Variants in ARID3B observed in about 807,000 individuals in gnomAD.
ARID3B encodes AT-rich interactive domain-containing protein 3B.
A neutral mutation model predicts 51.9 loss-of-function variants in ARID3B; 10 were observed. The ratio of observed to expected loss-of-function variants is 0.19; its 90% CI spans 0.12 to 0.33. The LOEUF (loss-of-function observed/expected upper bound fraction) is 0.33, where lower values mean the gene tolerates loss of function less well. Ranked by LOEUF, ARID3B falls within the 10% of genes least tolerant of loss-of-function variation. The pLI, the probability that ARID3B is intolerant of heterozygous loss-of-function variation, is 1.00. For synonymous variants in ARID3B, 205 were observed against 279.5 expected (o/e 0.73, Z 2.66); for missense variants, 483 against 716.3 (o/e 0.67, Z 3.72).
At chr15:74,577,440 C>T (rs775224840) in intron 4 of ARID3B, among the ~76,000 whole-genome samples, 1 of 151,738 alleles carries the variant, frequency 6.6e-6, no homozygotes, top group East Asian at 1.9e-4. Context: ...GGGTGACGAG[C>T]GAAACTCCAT....
At chr15:74,589,754 C>T in intron 4 of ARID3B, 66 bp from the exon 5 acceptor site, 2 of 1,493,024 alleles carry the variant, frequency 1.3e-6, no homozygotes, top group Non-Finnish European at 1.8e-6. Flanking sequence ...GGTGGGCATA[C>T]ACGGAATCTT....
intron 8 of ARID3B, 42 bp from the exon 9 acceptor site, chr15:74,595,569 G>C (rs201980212): frequency 7.5e-6 from 12 of 1,592,826 alleles, no homozygotes; most frequent in Non-Finnish European, 8.6e-6. Flanking sequence ...CCTCCCCTTC[G>C]CTCTTCCTCT....
chr15:74,583,281 G>A (rs2061768499), intron 4 of ARID3B, among the ~76,000 whole-genome samples: 1 of 152,134 alleles, frequency 6.6e-6, no homozygotes, highest in African/African-American at 2.4e-5. Flanking sequence ...GCCAGACACA[G>A]AATATATACT....
chr15:74,567,860 T>C (rs1392969121), intron 2 of ARID3B, among the ~76,000 whole-genome samples: 2 of 152,236 alleles, frequency 1.3e-5, no homozygotes, highest in Admixed American at 1.3e-4. Flanking sequence ...CTGTGTGCTG[T>C]TGAAATGGGT....
intron 2 of ARID3B, among the ~76,000 whole-genome samples, chr15:74,549,374 C>T (rs541984759): frequency 1.3e-5 from 2 of 151,722 alleles, no homozygotes; most frequent in South Asian, 2.1e-4. Flanking sequence ...TGCGCCCGGC[C>T]GGGATAGGCC....
intron 2 of ARID3B, among the ~76,000 whole-genome samples, chr15:74,572,057 C>T (rs1165673281): frequency 1.3e-5 from 2 of 151,206 alleles, no homozygotes; most frequent in Non-Finnish European, 2.9e-5. Flanking sequence ...TGCAGTGAGC[C>T]GAGATCGTGC....
At chr15:74,541,367 G>C (rs987251441) in intron 1 of ARID3B, 37 bp downstream of exon 1, 1 of 152,460 alleles carries the variant, frequency 6.6e-6, no homozygotes, top group Admixed American at 6.5e-5. Context: ...CAGGCATGGC[G>C]GGAGAGGAGG....
rs1251747912 is a variant in ARID3B, at chr15:74,597,391, G to T, written c.*1617G>T. On this transcript the variant is annotated 3_prime_UTR_variant, in exon 9 of 9. Coordinates refer to ENST00000346246, the MANE Select transcript of ARID3B (RefSeq NM_006465.4). ...GTGGCTCGCATTCAGTCCTGTGTAG[G>T]AGAGGAAAGGGAATCAAAAGCTTGA... 1.8e-5 allele frequency: 8 copies of T among 446,742 alleles called. No individual in the cohort carries two copies. Among genetic ancestry groups the T allele is most frequent in the Admixed American group, 1.0e-4 (3 of 29,484 alleles). 27.7% of individuals were successfully genotyped at this position (446,742 alleles called of 1,614,324 possible).
At chr15:74,587,684 G>A (rs1302824258) in intron 4 of ARID3B, among the ~76,000 whole-genome samples, 1 of 152,140 alleles carries the variant, frequency 6.6e-6, no homozygotes, top group Non-Finnish European at 1.5e-5. Flanking sequence ...GGGCAGATAG[G>A]CCTCCAAAAG....
At position 74,591,057 on chromosome 15, in the gene ARID3B, C is replaced by T. The variant is rs1364418839; in HGVS notation, c.882-94C>T. On this transcript the variant is annotated intron_variant, in intron 5 of 8. Coordinates refer to ENST00000346246, the MANE Select transcript of ARID3B (RefSeq NM_006465.4). The surrounding 1 kb of genome is among the most constrained non-coding windows in gnomAD (Gnocchi z 5.8). ...CAATCCTTTGCCCTAGAGTCCTGCC[C>T]AACAGAGACTGCTTCCAGAGACCCA... The T allele has an allele frequency of 1.3e-6, 2 of 1,511,998 alleles. No individual in the cohort carries two copies. Among genetic ancestry groups the T allele is most frequent in the African/African-American group, 1.4e-5 (1 of 71,830 alleles). The allele number at this position is 1,511,998 out of a possible 1,614,324, so 93.7% of individuals were successfully genotyped here. A position where few individuals can be genotyped will look rare whatever the true frequency, so the allele number is the denominator to read the frequency against.
At chr15:74,581,235 G>C (rs574713437) in intron 4 of ARID3B, among the ~76,000 whole-genome samples, 1 of 152,336 alleles carries the variant, frequency 6.6e-6, no homozygotes, top group South Asian at 2.1e-4. Context: ...TGGATTGCTG[G>C]ATCTTTTTTG....
At chr15:74,577,182 GT>G (rs758328802) in intron 4 of ARID3B, among the ~76,000 whole-genome samples, 4 of 152,076 alleles carry the variant, frequency 2.6e-5, no homozygotes, top group African/African-American at 4.8e-5. Flanking sequence ...GTTCAGGAGG[GT>G]TGGGAGTGGG....
chr15:74,541,679 T>A (rs559145800), intron 1 of ARID3B, among the ~76,000 whole-genome samples: 15 of 87,594 alleles, frequency 1.7e-4, no homozygotes, highest in Admixed American at 1.4e-3. Context: ...GGGAGGTGAA[T>A]AAAGAATGGG....
intron 7 of ARID3B, 30 bp from the exon 8 acceptor site, chr15:74,593,108 C>G: frequency 6.2e-7 from 1 of 1,604,784 alleles, no homozygotes; most frequent in Non-Finnish European, 8.5e-7. Context: ...GAAGGCTTGA[C>G]CAGGCCCACT....
At chr15:74,584,164 A>G (rs1037766950) in intron 4 of ARID3B, among the ~76,000 whole-genome samples, 1 of 152,188 alleles carries the variant, frequency 6.6e-6, no homozygotes, top group African/African-American at 2.4e-5. Flanking sequence ...ATAGTACCCA[A>G]TAGGTAGTTT....
rs763841932 is a variant in ARID3B at position 74,544,343 on chromosome 15, C to T, written c.407C>T (p.Pro136Leu). The change falls in exon 2 of 9, where the codon CCC (proline) becomes CTC (leucine). Residue 136 changes from proline (P) to leucine (L), a missense_variant. Transcript: ENST00000346246. ...GCTCGCCAAGATCCCAGAGTGGCAC[C>T]CATGTCCAATCTACTTCCAGCACCA... ...KVARQDPRVA[P>L]MSNLLPAPGL... 1 of 1,612,170 alleles carries T rather than the reference C, an allele frequency of 6.2e-7. No individual in the cohort carries two copies. The highest frequency in any genetic ancestry group is 1.3e-5 in the African/African-American group (1 of 74,932).
chr15:74,570,642 T>C (rs1205424264), intron 2 of ARID3B, among the ~76,000 whole-genome samples: 1 of 152,168 alleles, frequency 6.6e-6, no homozygotes, highest in Admixed American at 6.5e-5. Flanking sequence ...CCCCATTAAA[T>C]GTCTTTCAAC....
chr15:74,572,226 G>T (rs553981725), intron 2 of ARID3B, among the ~76,000 whole-genome samples: 12 of 152,290 alleles, frequency 7.9e-5, no homozygotes, highest in African/African-American at 2.6e-4. Flanking sequence ...AATCAATTAA[G>T]TTGGGCTTAG....
At chr15:74,552,123 G>A (rs1467103684) in intron 2 of ARID3B, among the ~76,000 whole-genome samples, 8 of 132,580 alleles carry the variant, frequency 6.0e-5, no homozygotes, top group South Asian at 2.6e-4. Context: ...GTGCTGTGGC[G>A]TGATCTTGGC....
Sources: allele counts gnomAD v4.1 joint callset (sites outside exome capture counted in the v4.1 genomes callset), GRCh38; gene constraint gnomAD v4.1.1; non-coding constraint Gnocchi (gnomAD v3.1); transcripts MANE v1.5; gene names NCBI Gene and HGNC (gene_info 2026-07-23, HGNC 2026-07-21).